The following INPP4B variants were observed in gnomAD, a reference collection of about 807,000 sequenced individuals.
INPP4B encodes the protein inositol polyphosphate-4-phosphatase type II B, also known as inositol polyphosphate 4-phosphatase type II.
Under a neutral mutation model 122.5 loss-of-function variants are expected in INPP4B, and 55 were observed. The ratio of observed to expected loss-of-function variants is 0.45; its 90% CI spans 0.36 to 0.56. The LOEUF (loss-of-function observed/expected upper bound fraction) is 0.56, where lower values mean the gene tolerates loss of function less well. INPP4B is among the 20% of genes least tolerant of loss of function. The pLI is 0.00. For missense variants in INPP4B, 1,000 were observed against 1,097.7 expected, an observed-to-expected ratio of 0.91 and a Z score of 1.26; for synonymous variants, 403 against 388.7, an observed-to-expected ratio of 1.04 and a Z score of -0.43.
chr4:142,148,022 T>C (rs1187618356), intron 17 of INPP4B, among the ~76,000 whole-genome samples: 1 of 152,160 alleles, frequency 6.6e-6, no homozygotes, highest in African/African-American at 2.4e-5. Flanking sequence ...AACAAACTCA[T>C]GCCCTCTCTT....
chr4:142,360,393 G>C (rs999455457), intron 7 of INPP4B, among the ~76,000 whole-genome samples: 6 of 151,932 alleles, frequency 3.9e-5, no homozygotes, highest in Non-Finnish European at 8.8e-5. Flanking sequence ...TCTGGGTTTT[G>C]TGCTGCATAG....
At chr4:142,251,719 G>C (rs772235366) in intron 11 of INPP4B, among the ~76,000 whole-genome samples, 11 of 152,248 alleles carry the variant, frequency 7.2e-5, no homozygotes, top group South Asian at 2.1e-4. Context: ...CAATTAAATT[G>C]TATTTTGTTT....
intron 16 of INPP4B, among the ~76,000 whole-genome samples, chr4:142,170,864 T>C (rs989373930): frequency 6.6e-6 from 1 of 151,734 alleles, no homozygotes. Flanking sequence ...GTTTATAAAT[T>C]GTATGTGTTT....
At chr4:142,272,076 G>C (rs1368792038) in intron 9 of INPP4B, among the ~76,000 whole-genome samples, 1 of 152,152 alleles carries the variant, frequency 6.6e-6, no homozygotes, top group Non-Finnish European at 1.5e-5. Flanking sequence ...ATAGTCATGT[G>C]ACGTCTCATT....
intron 15 of INPP4B, among the ~76,000 whole-genome samples, chr4:142,189,758 G>C (rs1046314909): frequency 6.6e-6 from 1 of 152,170 alleles, no homozygotes; most frequent in African/African-American, 2.4e-5. Flanking sequence ...TAGCGTTTTA[G>C]AAACAACAAT....
intron 25 of INPP4B, among the ~76,000 whole-genome samples, chr4:142,050,098 G>A (rs886597016): frequency 1.3e-3 from 191 of 151,998 alleles, no homozygotes; most frequent in African/African-American, 4.2e-3. Flanking sequence ...TTAGGCTCCC[G>A]CATCACATGG....
chr4:142,185,568 T>G lies in INPP4B; in HGVS notation c.1181+7519A>C, dbSNP rs570612886. ...TAACTACCTCTTAACTAAGAAATCT[T>G]AGTTTCTTAGTTAAGAAAGAAGTCC... On this transcript the variant is annotated intron_variant, in intron 15 of 25. Transcript: ENST00000262992. Among the ~76,000 whole-genome samples the G allele has an allele frequency of 3.2e-4, 48 of 152,032 alleles. 2 individuals carry two copies. Among genetic ancestry groups the G allele is most frequent in the African/African-American group, 1.0e-3 (43 of 41,494 alleles).
At chr4:142,470,924 A>G (rs1318884779) in intron 2 of INPP4B, among the ~76,000 whole-genome samples, 1 of 152,216 alleles carries the variant, frequency 6.6e-6, no homozygotes, top group African/African-American at 2.4e-5. Context: ...TCTTTGAATA[A>G]ATTGCATTAA....
At chr4:142,030,088 T>C in intron 25 of INPP4B, 1 of 1,477,354 alleles carries the variant, frequency 6.8e-7, no homozygotes, top group African/African-American at 1.4e-5. Flanking sequence ...TTAAAGTTCA[T>C]TGTCATTTGT....
chr4:142,185,795 T>C (rs891990580), intron 15 of INPP4B, among the ~76,000 whole-genome samples: 2 of 148,090 alleles, frequency 1.4e-5, no homozygotes, highest in African/African-American at 5.0e-5. Context: ...AGGAGAATGG[T>C]GTGAACCTGA....
intron 1 of INPP4B, among the ~76,000 whole-genome samples, chr4:142,770,538 C>T (rs930160827): frequency 1.3e-4 from 20 of 151,950 alleles, no homozygotes; most frequent in Non-Finnish European, 2.5e-4. Flanking sequence ...TTCTCATTGC[C>T]CTCCTACCAC....
intron 2 of INPP4B, among the ~76,000 whole-genome samples, chr4:142,597,819 A>G (rs1189177379): frequency 6.6e-6 from 1 of 152,198 alleles, no homozygotes; most frequent in East Asian, 1.9e-4. Context: ...CCAAGCTGGG[A>G]GCTAATTCCC....
At chr4:142,682,126 G>A (rs998385631) in intron 2 of INPP4B, among the ~76,000 whole-genome samples, 2 of 151,872 alleles carry the variant, frequency 1.3e-5, no homozygotes, top group South Asian at 2.1e-4. Context: ...GAAAACAAAT[G>A]TTATAATGAT....
At position 142,125,910 on chromosome 4, in the gene INPP4B, A is replaced by G. The variant is rs115388827; in HGVS notation, c.1721-1150T>C. Among the ~76,000 whole-genome samples the G allele has an allele frequency of 7.8e-3, 1,187 of 152,274 alleles. 10 individuals carry two copies. The highest frequency in any genetic ancestry group is 0.014 in the Non-Finnish European group (931 of 68,010). ...ATGAGAAAAGTTACAATAAATATAA[A>G]AAGTTTTAAAGATATAGACAAGTTT... On this transcript the variant is annotated intron_variant, in intron 18 of 25. Transcript: ENST00000262992.
chr4:142,397,188 T>C (rs888374583), intron 7 of INPP4B, among the ~76,000 whole-genome samples: 3 of 152,198 alleles, frequency 2.0e-5, no homozygotes, highest in Non-Finnish European at 4.4e-5. Flanking sequence ...CAGCTCCCTC[T>C]ACAAGACATC....
intron 18 of INPP4B, among the ~76,000 whole-genome samples, chr4:142,133,589 T>C (rs1219441895): frequency 6.6e-6 from 1 of 152,180 alleles, no homozygotes; most frequent in Non-Finnish European, 1.5e-5. Flanking sequence ...AACTCTCTAA[T>C]TGCTCCCCAT....
intron 9 of INPP4B, among the ~76,000 whole-genome samples, chr4:142,274,646 G>A (rs952119007): frequency 6.6e-6 from 1 of 151,724 alleles, no homozygotes; most frequent in South Asian, 2.1e-4. Context: ...TATGACATTG[G>A]ATCTTGGTAT....
chr4:142,361,214 T>A (rs1785276533), intron 7 of INPP4B, among the ~76,000 whole-genome samples: 1 of 152,006 alleles, frequency 6.6e-6, no homozygotes, highest in Non-Finnish European at 1.5e-5. Flanking sequence ...AATAGGTTTA[T>A]GTTTCTTCTC....
In INPP4B at chr4:142,028,468, T is replaced by A. The variant is rs1043508478; in HGVS notation, c.*314A>T. 3.1e-6 allele frequency: 1 copy of A among 324,938 alleles called. No homozygotes were observed. Among genetic ancestry groups the A allele is most frequent in the African/African-American group, 2.1e-5 (1 of 47,768 alleles). The allele number at this position is 324,938 out of a possible 1,614,324, so 20.1% of individuals were successfully genotyped here. A position where few individuals can be genotyped will look rare whatever the true frequency, so the allele number is the denominator to read the frequency against. Reference sequence around the variant, plus strand: ...CCCCTAGTCCTATTGAAATGATCCATGTTTCCTCAGAAACATTTAAATACT... The same window carrying A: ...CCCCTAGTCCTATTGAAATGATCCAAGTTTCCTCAGAAACATTTAAATACT... On this transcript the variant is annotated 3_prime_UTR_variant, in exon 26 of 26. Coordinates refer to ENST00000262992, the MANE Select transcript of INPP4B (RefSeq NM_001101669.3).
Sources: allele counts gnomAD v4.1 joint callset (sites outside exome capture counted in the v4.1 genomes callset), GRCh38; gene constraint gnomAD v4.1.1; transcripts MANE v1.5; gene names NCBI Gene and HGNC (gene_info 2026-07-23, HGNC 2026-07-21).